YY1: variants seen among roughly 807,000 people sequenced by gnomAD.
YY1 encodes the protein transcriptional repressor protein YY1.
In YY1, 2 loss-of-function variants were observed where a neutral mutation model predicts 35.6. The observed-to-expected ratio is 0.06, with a 90% CI of 0.02 to 0.18. The LOEUF (loss-of-function observed/expected upper bound fraction) is 0.18. Among genes scored for constraint, YY1 ranks in the 10% least tolerant of loss-of-function variants. The probability of loss-of-function intolerance (pLI) is 1.00; values close to 1 mark genes in which losing one functional copy is unlikely to be tolerated. For synonymous variants in YY1, 268 were observed against 238.9 expected, an observed-to-expected ratio of 1.12 and a Z score of -1.12; for missense variants, 322 against 573.4, an observed-to-expected ratio of 0.56 and a Z score of 4.48.
At chr14:100,266,257 A>G (rs1891153609) in intron 2 of YY1, among the ~76,000 whole-genome samples, 1 of 152,190 alleles carries the variant, frequency 6.6e-6, no homozygotes, top group Non-Finnish European at 1.5e-5. Flanking sequence ...AAACCATGTC[A>G]GAGGGTAAGA....
In YY1 at chr14:100,279,987, GA is replaced by G. The variant is rs1471147973; in HGVS notation, c.*2390del. ...ATCTCTTCTGTCCTTTCCTGTCTCTGAAATAGTCATCACTCCCCTTGACTCT... is the reference window on the plus strand; with the variant it reads ...ATCTCTTCTGTCCTTTCCTGTCTCTGAATAGTCATCACTCCCCTTGACTCT... On this transcript the variant is annotated 3_prime_UTR_variant, in exon 5 of 5. Transcript: ENST00000262238. The G allele has an allele frequency of 6.6e-6, 1 of 152,274 alleles. No individual in the cohort carries two copies. Among genetic ancestry groups the G allele is most frequent in the Non-Finnish European group, 1.5e-5 (1 of 68,076 alleles). 9.4% of individuals were successfully genotyped at this position (152,274 alleles called of 1,614,324 possible).
chr14:100,263,011 G>C (rs1891105552), intron 2 of YY1, among the ~76,000 whole-genome samples: 1 of 152,114 alleles, frequency 6.6e-6, no homozygotes, highest in Non-Finnish European at 1.5e-5. Flanking sequence ...TGGTTCAAGC[G>C]ATTCTCCTGC....
chr14:100,246,941 A>G (rs1012377198), intron 1 of YY1, among the ~76,000 whole-genome samples: 1 of 152,174 alleles, frequency 6.6e-6, no homozygotes, highest in African/African-American at 2.4e-5. Flanking sequence ...TAGCTTCCTA[A>G]TAAAGCCTCT....
intron 1 of YY1, among the ~76,000 whole-genome samples, chr14:100,243,804 CA>C (rs60629986): frequency 0.065 from 7,920 of 121,928 alleles, 232 homozygotes; most frequent in African/African-American, 0.092. Flanking sequence ...GAGACACTGT[CA>C]AAAAAAAAAA....
intron 1 of YY1, among the ~76,000 whole-genome samples, chr14:100,258,925 A>T (rs993742426): frequency 1.3e-5 from 2 of 152,200 alleles, no homozygotes; most frequent in African/African-American, 4.8e-5. Flanking sequence ...TCTTCCTCTC[A>T]TACTCCAGCT....
intron 2 of YY1, among the ~76,000 whole-genome samples, chr14:100,268,116 G>A (rs1891181483): frequency 6.6e-6 from 1 of 152,182 alleles, no homozygotes; most frequent in Non-Finnish European, 1.5e-5. Flanking sequence ...TTCGCCCCCA[G>A]CACTCACAGT....
chr14:100,270,369 G>A (rs1040129368), intron 2 of YY1, among the ~76,000 whole-genome samples: 3 of 151,080 alleles, frequency 2.0e-5, no homozygotes, highest in Non-Finnish European at 4.4e-5. Flanking sequence ...CTAGCACTTT[G>A]GGAGGCCGAG....
At chr14:100,249,466 C>T (rs188837022) in intron 1 of YY1, among the ~76,000 whole-genome samples, 12 of 152,158 alleles carry the variant, frequency 7.9e-5, no homozygotes, top group African/African-American at 1.7e-4. Context: ...ATCTGTGAGT[C>T]AGGGAAAGGG....
At chr14:100,260,860 G>A (rs867418951) in intron 1 of YY1, among the ~76,000 whole-genome samples, 9 of 127,254 alleles carry the variant, frequency 7.1e-5, no homozygotes, top group African/African-American at 2.1e-4. Flanking sequence ...CAGTGACGTG[G>A]TCACGGCTCA....
chr14:100,256,531 TTGTTATA>T (rs1891008450), intron 1 of YY1, among the ~76,000 whole-genome samples: 1 of 152,246 alleles, frequency 6.6e-6, no homozygotes, highest in African/African-American at 2.4e-5. Context: ...GAATGGAATG[TTGTTATA>T]TGTTACAACA....
In YY1 at chr14:100,260,931, G is replaced by A. The variant is rs1270452927; in HGVS notation, c.680-1373G>A. Reference sequence around the variant, plus strand: ...TTGCCTCAGCTTCCCAAGTAGCTGGGACTACAGGCATGCACCCCATGCCTG... The same window carrying A: ...TTGCCTCAGCTTCCCAAGTAGCTGGAACTACAGGCATGCACCCCATGCCTG... On this transcript the variant is annotated intron_variant, in intron 1 of 4. Coordinates refer to ENST00000262238, the MANE Select transcript of YY1 (RefSeq NM_003403.5). 2.0e-5 allele frequency among the ~76,000 whole-genome samples: 3 copies of A among 151,234 alleles called. No homozygotes were observed. In the East Asian group the frequency reaches 5.8e-4, roughly 29 times the overall value.
In YY1 at chr14:100,278,377, T is replaced by C. The variant is rs1891357256; in HGVS notation, c.*777T>C. On this transcript the variant is annotated 3_prime_UTR_variant, in exon 5 of 5. Coordinates refer to ENST00000262238, the MANE Select transcript of YY1 (RefSeq NM_003403.5). The stretch of plus-strand genomic sequence containing the variant: ...TTGCCTGTTCAGTTACAGAAAGTGG[T>C]GCTCAGTTGTAGAATGTATTGTACC... 1 of 152,744 alleles carries C rather than the reference T, an allele frequency of 6.5e-6. No individual in the cohort carries two copies. Among genetic ancestry groups the C allele is most frequent in the African/African-American group, 2.4e-5 (1 of 41,448 alleles). 9.5% of individuals were successfully genotyped at this position (152,744 alleles called of 1,614,324 possible).
intron 2 of YY1, among the ~76,000 whole-genome samples, chr14:100,264,813 A>G (rs1891130521): frequency 6.6e-6 from 1 of 152,198 alleles, no homozygotes; most frequent in Non-Finnish European, 1.5e-5. Flanking sequence ...TAAATGTGAT[A>G]GAAATTACAA....
chr14:100,249,512 G>A (rs930270090), intron 1 of YY1, among the ~76,000 whole-genome samples: 1 of 152,130 alleles, frequency 6.6e-6, no homozygotes, highest in African/African-American at 2.4e-5. Context: ...TTCTGTTGGT[G>A]TCAGGACCTG....
chr14:100,277,426 C>T lies in YY1; in HGVS notation c.1071C>T (p.Phe357=), dbSNP rs139552378. 38 of 1,614,084 alleles carry T rather than the reference C, an allele frequency of 2.4e-5. No homozygotes were observed. The highest frequency in any genetic ancestry group is 1.7e-4 in the African/African-American group (13 of 74,934). Residue 357 remains phenylalanine (F), a synonymous_variant, in exon 5 of 5, where the codon TTC becomes TTT. Coordinates refer to ENST00000262238, the MANE Select transcript of YY1 (RefSeq NM_003403.5). The surrounding 1 kb of genome is among the most constrained non-coding windows in gnomAD (Gnocchi z 5.6). ...HTGEKPFQCT[F]EGCGKRFSLD... ...TGGTCTTTCCTTGACAGTGCACGTT[C>T]GAAGGCTGTGGGAAACGCTTTTCAC...
At chr14:100,241,256 C>T (rs1287312883) in intron 1 of YY1, among the ~76,000 whole-genome samples, 2 of 152,176 alleles carry the variant, frequency 1.3e-5, no homozygotes. Context: ...AACCTCTTCC[C>T]TATAAGTACT....
Position 100,276,307 on chromosome 14 carries a change from C to G in YY1, c.904-183C>G. On this transcript the variant is annotated intron_variant, in intron 3 of 4. Transcript: ENST00000262238. This position sits in a 1 kb window ranked among gnomAD's most constrained non-coding sequence, Gnocchi z 4.1. ...AACTAGGGTTTGCATTGAATGATGA[C>G]TTTTTCAGCTGTCTGCTTTTTGTCT... is the stretch of plus-strand genomic sequence containing the variant. 2 of 800,018 alleles carry G rather than the reference C, an allele frequency of 2.5e-6. No individual in the cohort carries two copies. Among genetic ancestry groups the G allele is most frequent in the Non-Finnish European group, 3.9e-6 (2 of 515,306 alleles). 49.6% of individuals were successfully genotyped at this position (800,018 alleles called of 1,614,324 possible).
At chr14:100,267,873 T>C (rs1433424327) in intron 2 of YY1, among the ~76,000 whole-genome samples, 1 of 152,256 alleles carries the variant, frequency 6.6e-6, no homozygotes, top group Non-Finnish European at 1.5e-5. Flanking sequence ...ATATCTGTAA[T>C]TGGACAGTGG....
At chr14:100,262,189 C>A (rs879742389) in intron 1 of YY1, 115 bp from the exon 2 acceptor site, 16 of 1,118,558 alleles carry the variant, frequency 1.4e-5, no homozygotes, top group Admixed American at 4.6e-5. Context: ...GAGGGGAGAA[C>A]AAATTGAGCT....
Sources: gnomAD v4.1 joint callset for allele counts (sites outside exome capture counted in the v4.1 genomes callset) on GRCh38, gnomAD v4.1.1 for gene constraint, Gnocchi (gnomAD v3.1) non-coding constraint, MANE v1.5 for transcripts, NCBI Gene and HGNC (gene_info 2026-07-23, HGNC 2026-07-21) for gene names.